Variants in NCSTN observed in about 807,000 individuals in gnomAD.
The protein encoded by NCSTN is nicastrin, also known as anterior pharynx-defective 2.
A neutral mutation model predicts 87.0 loss-of-function variants in NCSTN; 22 were observed. That is an observed-to-expected ratio of 0.25 (90% confidence interval 0.18 to 0.36). NCSTN has a LOEUF of 0.36. NCSTN is among the 10% of genes least tolerant of loss of function. The pLI is 1.00. For missense variants in NCSTN, 693 were observed against 883.3 expected (o/e 0.78, Z 2.73); for synonymous variants, 306 against 327.1 (o/e 0.94, Z 0.69).
chr1:160,349,748 G>T, intron 4 of NCSTN, 78 bp downstream of exon 4: 3 of 1,562,144 alleles, frequency 1.9e-6, no homozygotes, highest in South Asian at 2.2e-5. Context: ...CTTTGTGAGG[G>T]ATGTATATGT....
Position 160,354,163 on chromosome 1 carries a change from C to A in NCSTN, c.1225C>A (p.Pro409Thr). The A allele has an allele frequency of 6.2e-7, 1 of 1,614,126 alleles. No individual in the cohort carries two copies. The highest frequency in any genetic ancestry group is 1.3e-5 in the African/African-American group (1 of 75,006). The change falls in exon 11 of 17, where the codon CCT becomes ACT. Residue 409 changes from proline to threonine, a missense_variant. Transcript: ENST00000294785. The stretch of plus-strand genomic sequence containing the variant: ...ATTGGAGAAGAGTGGTGCTGGTGTC[C>A]CTGCTGTCATCCTCAGGAGGCCAAA... ...ATLEKSGAGV[P>T]AVILRRPNQS... is the part of the protein sequence containing the mutation.
chr1:160,354,190 C>G lies in NCSTN; in HGVS notation c.1252C>G (p.Gln418Glu). Residue 418 changes from glutamine to glutamate, a missense_variant, in exon 11 of 17, where the codon CAG (glutamine) becomes GAG (glutamate). Coordinates refer to ENST00000294785, the MANE Select transcript of NCSTN (RefSeq NM_015331.3). ...TGCTGTCATCCTCAGGAGGCCAAAT[C>G]AGTCCCAGCCTCTCCCACCATCTTC... is the stretch of plus-strand genomic sequence containing the variant. ...VPAVILRRPNQSQPLPPSSLQ... is the reference protein window; with the variant it reads ...VPAVILRRPNESQPLPPSSLQ... 3 of 1,614,172 alleles carry G rather than the reference C, an allele frequency of 1.9e-6. No individual in the cohort carries two copies. The highest frequency in any genetic ancestry group is 2.5e-6 in the Non-Finnish European group (3 of 1,180,018).
intron 1 of NCSTN, chr1:160,343,725 C>CT: frequency 1.4e-6 from 1 of 697,168 alleles, no homozygotes. Flanking sequence ...GACTTCGAGC[C>CT]TGACCCTCTC....
intron 10 of NCSTN, 56 bp downstream of exon 10, chr1:160,353,293 A>T: frequency 1.2e-6 from 2 of 1,612,998 alleles, no homozygotes; most frequent in Middle Eastern, 1.7e-4. Flanking sequence ...TCCAGACCCC[A>T]ACCCCTGCCC....
In NCSTN at chr1:160,349,649, C is replaced by A; in HGVS notation, c.415C>A (p.Gln139Lys). The part of the protein sequence containing the change: ...SPASGFSPSV[Q>K]CPNDGFGVYS... The stretch of plus-strand genomic sequence containing the variant: ...TGCCTCAGGCTTCTCTCCTAGTGTA[C>A]AGTGCCCAAATGATGGGTTTGGTAA... Residue 139 changes from glutamine to lysine, a missense_variant, in exon 4 of 17, where the codon CAG becomes AAG. Physicochemically the swap from Gln to Lys is moderately conservative, Grantham distance 53 (BLOSUM62 1). Transcript: ENST00000294785. 1 of 1,614,070 alleles carries A rather than the reference C, an allele frequency of 6.2e-7. No individual in the cohort carries two copies. The highest frequency in any genetic ancestry group is 8.5e-7 in the Non-Finnish European group (1 of 1,180,006).
Position 160,343,474 on chromosome 1 carries a change from A to G in NCSTN, c.78A>G (p.Leu26=), listed in dbSNP as rs1401602646. ...TTCGCCTTCTGTCTTTCTGCGTCCT[A>G]CTAGCAGGTGAGGCCTCCCCGCCCG... is the stretch of plus-strand genomic sequence containing the variant. The part of the protein sequence containing the change: ...GLLRLLSFCV[L]LAGLCRGNSV... The change falls in exon 1 of 17, where the codon CTA becomes CTG. Residue 26 remains leucine, a synonymous_variant. Transcript: ENST00000294785. 1.9e-6 allele frequency: 3 copies of G among 1,608,536 alleles called. No homozygotes were observed. The highest frequency in any genetic ancestry group is 2.2e-5 in the East Asian group (1 of 44,630).
Position 160,344,791 on chromosome 1 carries a change from G to C in NCSTN, c.155G>C (p.Arg52Pro), listed in dbSNP as rs1557881394. Residue 52 changes from arginine (R) to proline (P), a missense_variant, in exon 2 of 17, where the codon CGC becomes CCC. Physicochemically the swap from Arg to Pro is moderately radical, Grantham distance 103. This residue lies in a region of NCSTN where 235 missense variants were observed against 233.9 expected (regional missense o/e 1.00). Transcript: ENST00000294785. ...TTAAATAAAACAGCTCCCTGTGTTC[G>C]CCTGCTCAACGCCACTCATCAGATT... is the stretch of plus-strand genomic sequence containing the variant. ...IPLNKTAPCVRLLNATHQIGC... is the reference protein window; with the variant it reads ...IPLNKTAPCVPLLNATHQIGC... 6.2e-7 allele frequency: 1 copy of C among 1,614,024 alleles called. No homozygotes were observed.
In NCSTN at chr1:160,356,724, T is replaced by G; in HGVS notation, c.1764T>G (p.Asp588Glu). The G allele has an allele frequency of 6.2e-7, 1 of 1,614,166 alleles. No homozygotes were observed. Among genetic ancestry groups the G allele is most frequent in the Non-Finnish European group, 8.5e-7 (1 of 1,180,018 alleles). ...ACCTCACCCGAGAGCAGTGCCAGGATCCAAGTAAAGTCCCAAGTGAAAACA... is the reference window on the plus strand; with the variant it reads ...ACCTCACCCGAGAGCAGTGCCAGGAGCCAAGTAAAGTCCCAAGTGAAAACA... ...VVNLTREQCQ[D>E]PSKVPSENKD... Residue 588 changes from aspartate to glutamate, a missense_variant, in exon 15 of 17, where the codon GAT (aspartate) becomes GAG (glutamate). By Grantham distance (45) the Asp-to-Glu change is conservative. This residue lies in a region of NCSTN where 216 missense variants were observed against 311.7 expected (regional missense o/e 0.69). Transcript: ENST00000294785.
intron 2 of NCSTN, among the ~76,000 whole-genome samples, chr1:160,348,462 A>G (rs768241466): frequency 6.2e-4 from 94 of 152,214 alleles, no homozygotes; most frequent in African/African-American, 2.0e-3. Flanking sequence ...AGGCTTATCA[A>G]TTGGGAAGCT....
chr1:160,353,235 C>A lies in NCSTN; in HGVS notation c.1177C>A (p.Gln393Lys), dbSNP rs746999382. The A allele has an allele frequency of 1.2e-6, 2 of 1,614,108 alleles. No individual in the cohort carries two copies. The highest frequency in any genetic ancestry group is 2.2e-5 in the South Asian group (2 of 91,076). ...VSQKNESVRN[Q>K]VEDLLATLEK... ...TCAGAAAAATGAGTCTGTACGGAAC[C>A]AGGTAACCTGAGCATCTCCCCTCAT... is the stretch of plus-strand genomic sequence containing the variant. The change falls in exon 10 of 17, where the codon CAG (glutamine) becomes AAG (lysine). Residue 393 changes from glutamine to lysine, a missense_variant and splice_region_variant. Physicochemically the swap from Gln to Lys is moderately conservative, Grantham distance 53. Around this residue, in one of 4 missense-constraint regions of NCSTN, gnomAD observed 108 missense variants for 111.6 expected, o/e 0.97. Coordinates refer to ENST00000294785, the MANE Select transcript of NCSTN (RefSeq NM_015331.3).
chr1:160,357,123 G>A lies in NCSTN; in HGVS notation c.1877G>A (p.Arg626Gln), dbSNP rs754862807. The part of the protein sequence containing the change: ...RLPRCVRSTA[R>Q]LARALSPAFE... ...CCCCGGTGTGTGCGTTCTACTGCACGATTAGCCAGGGCCTTGTCTCCTGCC... is the reference window on the plus strand; with the variant it reads ...CCCCGGTGTGTGCGTTCTACTGCACAATTAGCCAGGGCCTTGTCTCCTGCC... The change falls in exon 16 of 17, where the codon CGA becomes CAA. Residue 626 changes from arginine (R) to glutamine (Q), a missense_variant. Physicochemically the swap from Arg to Gln is conservative, Grantham distance 43. Transcript: ENST00000294785. 9 of 1,614,138 alleles carry A rather than the reference G, an allele frequency of 5.6e-6. No individual in the cohort carries two copies. The Admixed American group carries it at 6.7e-5, about 12-fold the overall frequency.
chr1:160,347,498 A>G (rs570775215), intron 2 of NCSTN, among the ~76,000 whole-genome samples: 143 of 152,316 alleles, frequency 9.4e-4, no homozygotes, highest in Non-Finnish European at 1.8e-3. Context: ...CAGAGAAAAT[A>G]AGCAAGTTAC....
At chr1:160,357,349 AC>A in intron 16 of NCSTN, 96 bp downstream of exon 16, 1 of 1,288,070 alleles carries the variant, frequency 7.8e-7, no homozygotes, top group Non-Finnish European at 1.1e-6. Flanking sequence ...CATTTGCCCC[AC>A]ATTTGTAGCA....
intron 1 of NCSTN, 110 bp downstream of exon 1, chr1:160,343,591 A>G (rs762477132): frequency 3.1e-6 from 3 of 977,566 alleles, no homozygotes; most frequent in Admixed American, 2.2e-5. Flanking sequence ...CTGTCCCCCC[A>G]CCCTGTAAAT....
intron 2 of NCSTN, among the ~76,000 whole-genome samples, chr1:160,347,277 G>A (rs966439404): frequency 6.6e-6 from 1 of 152,126 alleles, no homozygotes; most frequent in Non-Finnish European, 1.5e-5. Flanking sequence ...TTTAATTAGT[G>A]TAGCTAACAT....
At chr1:160,349,209 C>G in intron 3 of NCSTN, 87 bp downstream of exon 3, 2 of 1,556,526 alleles carry the variant, frequency 1.3e-6, no homozygotes, top group Non-Finnish European at 8.8e-7. Flanking sequence ...GAAAACTTCC[C>G]TTGGCTGCCC....
chr1:160,356,655 T>C lies in NCSTN; in HGVS notation c.1695T>C (p.Tyr565=), dbSNP rs369915469. 26 of 1,614,086 alleles carry C rather than the reference T, an allele frequency of 1.6e-5. No homozygotes were observed. Among genetic ancestry groups the C allele is most frequent in the South Asian group, 3.3e-5 (3 of 91,086 alleles). Residue 565 remains tyrosine (Y), a synonymous_variant, in exon 15 of 17, where the codon TAT becomes TAC. Transcript: ENST00000294785. ...TCTCCAGCCCCACCAACACCACTTA[T>C]GTTGTACAGTATGCCTTGGCAAATT... ...IAVSSPTNTT[Y]VVQYALANLT... is the part of the protein sequence containing the mutation.
chr1:160,350,712 T>TAA (rs11414346), intron 5 of NCSTN, among the ~76,000 whole-genome samples: 2,069 of 148,016 alleles, frequency 0.014, 47 homozygotes, highest in African/African-American at 0.049. Context: ...CTAGTATCGT[T>TAA]AAAAAAAAAA....
intron 4 of NCSTN, 26 bp from the exon 5 acceptor site, chr1:160,350,079 C>T (rs1045958958): frequency 6.2e-7 from 1 of 1,612,836 alleles, no homozygotes. Flanking sequence ...GTAACCAGTC[C>T]CCCTATTCCC....
Sources: allele counts gnomAD v4.1 joint callset (sites outside exome capture counted in the v4.1 genomes callset), GRCh38; gene constraint gnomAD v4.1.1; regional missense constraint gnomAD v4.1.1; transcripts MANE v1.5; gene names NCBI Gene and HGNC (gene_info 2026-07-23, HGNC 2026-07-21).